Variants in FNTB observed in about 807,000 individuals in gnomAD.
The protein encoded by FNTB is protein farnesyltransferase subunit beta.
Under a neutral mutation model 59.4 loss-of-function variants are expected in FNTB, and 27 were observed. The observed-to-expected ratio is 0.45, with a 90% CI of 0.34 to 0.63. The LOEUF is 0.63. FNTB is among the 20% of genes least tolerant of loss of function. The probability of loss-of-function intolerance (pLI) is 0.02; values close to 1 mark genes in which losing one functional copy is unlikely to be tolerated. For missense variants in FNTB, 449 were observed against 559.6 expected (o/e 0.80, Z 1.99); for synonymous variants, 230 against 220.7 (o/e 1.04, Z -0.37).
chr14:65,021,962 C>T (rs574101420), intron 4 of FNTB: 15 of 455,968 alleles, frequency 3.3e-5, no homozygotes, highest in East Asian at 7.0e-5. Flanking sequence ...AGCCAACTTT[C>T]GACCTGACCA....
intron 1 of FNTB, among the ~76,000 whole-genome samples, chr14:64,993,969 C>T (rs745564875): frequency 1.3e-5 from 2 of 152,042 alleles, no homozygotes; most frequent in Non-Finnish European, 2.9e-5. Flanking sequence ...GATTCTCCTG[C>T]CTCAGGCTCC....
chr14:65,060,133 C>G (rs1309877931), intron 11 of FNTB, among the ~76,000 whole-genome samples: 1 of 151,298 alleles, frequency 6.6e-6, no homozygotes, highest in East Asian at 1.9e-4. Context: ...GCGTCCGGCC[C>G]CCTTTTTCTT....
intron 4 of FNTB, among the ~76,000 whole-genome samples, chr14:65,019,521 T>C (rs2061848605): frequency 6.6e-6 from 1 of 152,080 alleles, no homozygotes; most frequent in Non-Finnish European, 1.5e-5. Flanking sequence ...TTTTTTAAGC[T>C]TACTTGCATT....
Position 65,007,384 on chromosome 14 carries a change from G to A in FNTB, c.209+3071G>A, listed in dbSNP as rs1256291765. On this transcript the variant is annotated intron_variant, in intron 2 of 11. Coordinates refer to ENST00000246166, the MANE Select transcript of FNTB (RefSeq NM_002028.4). This position sits in a 1 kb window ranked among gnomAD's most constrained non-coding sequence, Gnocchi z 4.9. ...TTGTTTGTGTGTCTGAGGTCATGAT[G>A]CTGATCAAATGGGACAGACTCACAC... is the stretch of plus-strand genomic sequence containing the variant. 1.3e-5 allele frequency among the ~76,000 whole-genome samples: 2 copies of A among 152,194 alleles called. No individual in the cohort carries two copies. Among genetic ancestry groups the A allele is most frequent in the Non-Finnish European group, 2.9e-5 (2 of 68,028 alleles).
chr14:65,019,355 C>T (rs1274931500), intron 4 of FNTB, among the ~76,000 whole-genome samples: 1 of 151,078 alleles, frequency 6.6e-6, no homozygotes, highest in Admixed American at 6.6e-5. Flanking sequence ...GATGTGGTGG[C>T]TGGCACCTGT....
intron 11 of FNTB, among the ~76,000 whole-genome samples, chr14:65,059,207 G>C (rs898856461): frequency 4.6e-5 from 7 of 152,030 alleles, no homozygotes; most frequent in African/African-American, 1.7e-4. Context: ...ATTTTTTGTA[G>C]AGACAGGGTT....
intron 1 of FNTB, among the ~76,000 whole-genome samples, chr14:64,999,273 C>T (rs1231646492): frequency 6.6e-6 from 1 of 151,976 alleles, no homozygotes; most frequent in African/African-American, 2.4e-5. Context: ...CCCATCTCTA[C>T]TAAAAATACA....
chr14:65,004,463 A>AC (rs2061551335), intron 2 of FNTB, 150 bp downstream of exon 2: 1 of 795,920 alleles, frequency 1.3e-6, no homozygotes, highest in South Asian at 1.8e-5. Context: ...ATATGCTAAG[A>AC]CCCCCACTCC....
intron 1 of FNTB, among the ~76,000 whole-genome samples, chr14:64,996,161 C>G (rs1341699577): frequency 6.6e-6 from 1 of 151,026 alleles, no homozygotes; most frequent in African/African-American, 2.4e-5. Flanking sequence ...AAGAAACAAC[C>G]AAGCCTGGGC....
At chr14:65,060,478 C>T (rs1405703631) in intron 11 of FNTB, among the ~76,000 whole-genome samples, 3 of 111,860 alleles carry the variant, frequency 2.7e-5, no homozygotes, top group Admixed American at 7.9e-5. Context: ...GGGCGGATCA[C>T]GAGGTCAGGA....
intron 8 of FNTB, among the ~76,000 whole-genome samples, chr14:65,042,441 C>T (rs965274413): frequency 3.3e-5 from 5 of 152,154 alleles, no homozygotes; most frequent in Admixed American, 2.0e-4. Context: ...CTGGCATACA[C>T]GGTTCACAGT....
rs1274390819 is a variant in FNTB at position 65,023,763 on chromosome 14, T to TC, written c.375-3686dup. On this transcript the variant is annotated intron_variant, in intron 4 of 11. Transcript: ENST00000246166. This position sits in a 1 kb window ranked among gnomAD's most constrained non-coding sequence, Gnocchi z 4.1. The stretch of plus-strand genomic sequence containing the variant: ...TATCTCATTGCTACTCAAAATGTGG[T>TC]CCCCAGACCAGGAGCATTGCTATCA... 6.6e-6 allele frequency among the ~76,000 whole-genome samples: 1 copy of TC among 152,078 alleles called. No homozygotes were observed. The highest frequency in any genetic ancestry group is 1.5e-5 in the Non-Finnish European group (1 of 68,010).
chr14:65,060,653 G>A lies in FNTB; in HGVS notation c.1183-528G>A, dbSNP rs558695544. On this transcript the variant is annotated intron_variant, in intron 11 of 11. Transcript: ENST00000246166. ...GGAGCTTGCAGTGAGCCGAGATCCC[G>A]CCACTGCACTCCAGCCTGGGCGACA... is the stretch of plus-strand genomic sequence containing the variant. 1.5e-3 allele frequency among the ~76,000 whole-genome samples: 141 copies of A among 94,758 alleles called. 5 individuals carry two copies. The highest frequency in any genetic ancestry group is 6.9e-3 in the South Asian group (19 of 2,764). The allele number at this position is 94,758 out of a possible 152,430, so 62.2% of individuals were successfully genotyped here.
intron 11 of FNTB, among the ~76,000 whole-genome samples, chr14:65,059,650 A>G (rs2062816407): frequency 6.6e-6 from 1 of 152,098 alleles, no homozygotes; most frequent in Non-Finnish European, 1.5e-5. Flanking sequence ...CTTCTTCATT[A>G]TCCCACAGTG....
At chr14:65,010,338 G>T (rs188214264) in intron 2 of FNTB, among the ~76,000 whole-genome samples, 6 of 152,298 alleles carry the variant, frequency 3.9e-5, no homozygotes, top group Admixed American at 2.6e-4. Flanking sequence ...CCTGTCACTT[G>T]TGTGCAGACA....
intron 4 of FNTB, among the ~76,000 whole-genome samples, chr14:65,018,289 C>T (rs2061818403): frequency 6.6e-6 from 1 of 152,154 alleles, no homozygotes; most frequent in African/African-American, 2.4e-5. Context: ...ATGATGGCAC[C>T]ACTGCATTCC....
chr14:65,007,494 G>A lies in FNTB; in HGVS notation c.209+3181G>A, dbSNP rs2061612477. 6.6e-6 allele frequency among the ~76,000 whole-genome samples: 1 copy of A among 152,222 alleles called. No homozygotes were observed. The highest frequency in any genetic ancestry group is 2.1e-4 in the South Asian group (1 of 4,838). The stretch of plus-strand genomic sequence containing the variant: ...AGGCATTTGCCTATTCAGTGTTCCA[G>A]GGCCAAAGCTGAATAGCAGACTGGG... On this transcript the variant is annotated intron_variant, in intron 2 of 11. Transcript: ENST00000246166. The surrounding 1 kb of genome is among the most constrained non-coding windows in gnomAD (Gnocchi z 4.9).
rs2061686023 is a variant in FNTB, at chr14:65,011,692, G to C, written c.210-625G>C. 6.6e-6 allele frequency among the ~76,000 whole-genome samples: 1 copy of C among 152,224 alleles called. No individual in the cohort carries two copies. On this transcript the variant is annotated intron_variant, in intron 2 of 11. Coordinates refer to ENST00000246166, the MANE Select transcript of FNTB (RefSeq NM_002028.4). The surrounding 1 kb of genome is among the most constrained non-coding windows in gnomAD (Gnocchi z 4.0). ...GCCCGGCCTGTGCAGGTGGCCATGGGCGGCACATTCCATCTTAAAGCCAGT... is the reference window on the plus strand; with the variant it reads ...GCCCGGCCTGTGCAGGTGGCCATGGCCGGCACATTCCATCTTAAAGCCAGT...
rs2062689740 is a variant in FNTB at position 65,054,679 on chromosome 14, A to C, written c.1172A>C (p.Glu391Ala). 6.2e-7 allele frequency: 1 copy of C among 1,610,248 alleles called. No homozygotes were observed. The highest frequency in any genetic ancestry group is 8.5e-7 in the Non-Finnish European group (1 of 1,178,358). ...CATGATGTGGTCCTGGGTGTGCCCGAAAACGCTCTGGTAAGACGGGTGCAG... is the reference window on the plus strand; with the variant it reads ...CATGATGTGGTCCTGGGTGTGCCCGCAAACGCTCTGGTAAGACGGGTGCAG... Reference protein sequence around the residue: ...MLHDVVLGVPENALQPTHPVY... With the variant: ...MLHDVVLGVPANALQPTHPVY... The change falls in exon 11 of 12, where the codon GAA becomes GCA. Residue 391 changes from glutamate to alanine, a missense_variant. Transcript: ENST00000246166. The surrounding 1 kb of genome is among the most constrained non-coding windows in gnomAD (Gnocchi z 4.4).
Sources: allele counts gnomAD v4.1 joint callset (sites outside exome capture counted in the v4.1 genomes callset), GRCh38; gene constraint gnomAD v4.1.1; non-coding constraint Gnocchi (gnomAD v3.1); transcripts MANE v1.5; gene names NCBI Gene and HGNC (gene_info 2026-07-23, HGNC 2026-07-21).